The following KCND3 variants were observed in gnomAD, a reference collection of about 807,000 sequenced individuals.
The protein encoded by KCND3 is potassium voltage-gated channel subfamily D member 3, also known as A-type voltage-gated potassium channel KCND3.
A neutral mutation model predicts 51.1 loss-of-function variants in KCND3; 9 were observed. The observed-to-expected ratio is 0.18, with a 90% CI of 0.11 to 0.31. The LOEUF (loss-of-function observed/expected upper bound fraction) is 0.31. Among genes scored for constraint, KCND3 ranks in the 10% least tolerant of loss-of-function variants. The pLI is 1.00. For missense variants in KCND3, 526 were observed against 903.8 expected (o/e 0.58, Z 5.36); for synonymous variants, 349 against 368.0 (o/e 0.95, Z 0.59).
intron 2 of KCND3, among the ~76,000 whole-genome samples, chr1:111,924,491 G>A (rs1473127467): frequency 2.0e-5 from 3 of 152,210 alleles, no homozygotes; most frequent in African/African-American, 7.2e-5. Flanking sequence ...GTTAACATGT[G>A]TAGGAGACCA....
chr1:111,856,528 C>G (rs1668080641), intron 2 of KCND3, among the ~76,000 whole-genome samples: 1 of 152,228 alleles, frequency 6.6e-6, no homozygotes, highest in African/African-American at 2.4e-5. Flanking sequence ...CAAACCCGGG[C>G]TTCCTGCCTG....
In KCND3 at chr1:111,840,233, C is replaced by T. The variant is rs368791118; in HGVS notation, c.1107-53127G>A. 1.6e-4 allele frequency among the ~76,000 whole-genome samples: 25 copies of T among 152,150 alleles called. 3 individuals are homozygous for T. Among genetic ancestry groups the T allele is most frequent in the East Asian group, 1.3e-3 (7 of 5,198 alleles). On this transcript the variant is annotated intron_variant, in intron 2 of 7. Coordinates refer to ENST00000302127, the MANE Select transcript of KCND3 (RefSeq NM_001378969.1). The stretch of plus-strand genomic sequence containing the variant: ...CTTAATAACTATAGCATTGGAAATT[C>T]GGTTCCAACATATGAACTTTTTGGG...
At chr1:111,908,105 G>T (rs572515873) in intron 2 of KCND3, among the ~76,000 whole-genome samples, 1 of 152,312 alleles carries the variant, frequency 6.6e-6, no homozygotes, top group African/African-American at 2.4e-5. Context: ...TGGTTTCCCT[G>T]AAAACACTCT....
intron 2 of KCND3, among the ~76,000 whole-genome samples, chr1:111,788,163 A>G (rs748359415): frequency 3.3e-5 from 5 of 152,224 alleles, no homozygotes; most frequent in Non-Finnish European, 7.3e-5. Context: ...CCTCCAATCA[A>G]TAAGATGCTT....
intron 2 of KCND3, among the ~76,000 whole-genome samples, chr1:111,925,272 C>G (rs961057069): frequency 6.6e-6 from 1 of 152,222 alleles, no homozygotes; most frequent in African/African-American, 2.4e-5. Context: ...CGTGGGTTAA[C>G]TCATTTCATT....
At chr1:111,776,544 G>A (rs1664123775) in intron 7 of KCND3, among the ~76,000 whole-genome samples, 4 of 152,126 alleles carry the variant, frequency 2.6e-5, no homozygotes, top group African/African-American at 9.7e-5. Flanking sequence ...TGTGGCATTT[G>A]GCATTTGCAT....
intron 3 of KCND3, among the ~76,000 whole-genome samples, chr1:111,785,779 C>T (rs1009621036): frequency 6.6e-6 from 1 of 152,112 alleles, no homozygotes; most frequent in Admixed American, 6.6e-5. Context: ...TGAGCCTTTA[C>T]ACCCAAGGCA....
In KCND3 at chr1:111,780,686, C is replaced by T; in HGVS notation, c.1371+4G>A. The T allele has an allele frequency of 6.2e-7, 1 of 1,606,154 alleles. No individual in the cohort carries two copies. The highest frequency in any genetic ancestry group is 1.1e-5 in the South Asian group (1 of 88,994). ...TCCCTAGCCCAGGTCCTCTAGGCAC[C>T]TACCGTCAGCTCCAGCGCCTCGTTG... is the stretch of plus-strand genomic sequence containing the variant. On this transcript the variant is annotated splice_donor_region_variant and intron_variant, in intron 4 of 7. Coordinates refer to ENST00000302127, the MANE Select transcript of KCND3 (RefSeq NM_001378969.1). The surrounding 1 kb of genome is among the most constrained non-coding windows in gnomAD (Gnocchi z 4.2).
intron 2 of KCND3, among the ~76,000 whole-genome samples, chr1:111,933,192 T>C (rs1301039640): frequency 6.6e-6 from 1 of 152,184 alleles, no homozygotes; most frequent in Non-Finnish European, 1.5e-5. Context: ...CCTTCTGCCA[T>C]GACTGTAAGT....
chr1:111,873,282 G>C (rs1403754597), intron 2 of KCND3, among the ~76,000 whole-genome samples: 1 of 152,240 alleles, frequency 6.6e-6, no homozygotes, highest in Non-Finnish European at 1.5e-5. Flanking sequence ...GACAAGAACA[G>C]ACCCTGCCCT....
intron 2 of KCND3, among the ~76,000 whole-genome samples, chr1:111,865,763 G>C (rs1231688766): frequency 1.3e-5 from 2 of 152,152 alleles, no homozygotes; most frequent in African/African-American, 4.8e-5. Context: ...GGAGTGCAGT[G>C]GTGTGATCAT....
At chr1:111,898,586 T>C (rs1670236293) in intron 2 of KCND3, among the ~76,000 whole-genome samples, 1 of 152,170 alleles carries the variant, frequency 6.6e-6, no homozygotes, top group African/African-American at 2.4e-5. Flanking sequence ...ATAAGTGAAA[T>C]GAAAACTCAA....
At chr1:111,798,248 G>A (rs1266549400) in intron 2 of KCND3, among the ~76,000 whole-genome samples, 2 of 152,056 alleles carry the variant, frequency 1.3e-5, no homozygotes, top group African/African-American at 4.8e-5. Flanking sequence ...GCTCCTCCAT[G>A]ACTCCAAGCT....
intron 2 of KCND3, among the ~76,000 whole-genome samples, chr1:111,905,583 G>A (rs182430926): frequency 6.6e-6 from 1 of 152,296 alleles, no homozygotes; most frequent in East Asian, 1.9e-4. Context: ...TGTGGGTCTC[G>A]CTCTGACCTG....
At chr1:111,779,513 C>T (rs1423151214) in intron 5 of KCND3, among the ~76,000 whole-genome samples, 8 of 152,240 alleles carry the variant, frequency 5.3e-5, no homozygotes, top group South Asian at 2.1e-4. Flanking sequence ...GACCTCTCTT[C>T]CCTGTCTACT....
chr1:111,800,562 A>G (rs12095098), intron 2 of KCND3, among the ~76,000 whole-genome samples: 1,633 of 151,924 alleles, frequency 0.011, 27 homozygotes, highest in African/African-American at 0.038. Context: ...TAAAAAAAAA[A>G]AAAAAAAAGA....
chr1:111,863,475 A>G (rs1668423533), intron 2 of KCND3, among the ~76,000 whole-genome samples: 1 of 152,250 alleles, frequency 6.6e-6, no homozygotes. Context: ...TGAAGAATGA[A>G]TGGGAGTCTT....
intron 2 of KCND3, among the ~76,000 whole-genome samples, chr1:111,838,648 G>C (rs996075384): frequency 1.8e-4 from 28 of 151,766 alleles, no homozygotes; most frequent in Non-Finnish European, 3.4e-4. Context: ...CAGAGCGAGA[G>C]TCCGTCTCAA....
intron 2 of KCND3, among the ~76,000 whole-genome samples, chr1:111,944,534 G>C (rs1672686639): frequency 6.6e-6 from 1 of 152,178 alleles, no homozygotes; most frequent in Non-Finnish European, 1.5e-5. Flanking sequence ...CCATGCCCTG[G>C]GCACAGGGTG....
Sources: allele counts gnomAD v4.1 joint callset (sites outside exome capture counted in the v4.1 genomes callset), GRCh38; gene constraint gnomAD v4.1.1; non-coding constraint Gnocchi (gnomAD v3.1); transcripts MANE v1.5; gene names NCBI Gene and HGNC (gene_info 2026-07-23, HGNC 2026-07-21).